Variants in DMD observed in about 807,000 individuals in gnomAD.
DMD encodes dystrophin.
DMD carries 63 observed loss-of-function variants against 330.1 expected under a neutral mutation model. The observed-to-expected ratio is 0.19, with a 90% CI of 0.16 to 0.24. The LOEUF is 0.24. Ranked by LOEUF, DMD falls within the 10% of genes least tolerant of loss-of-function variation. The pLI, the probability that DMD is intolerant of heterozygous loss-of-function variation, is 1.00. For missense variants in DMD, 3,344 were observed against 2,684.1 expected (o/e 1.25, Z -5.43); for synonymous variants, 1,223 against 959.8 (o/e 1.27, Z -5.07).
intron 62 of DMD, among the ~76,000 whole-genome samples, chrX:31,318,736 C>G (rs2056220132): frequency 8.9e-6 from 1 of 112,102 alleles, no homozygotes; most frequent in Admixed American, 9.4e-5. Context: ...TTAGCAAGTT[C>G]CCAAGAACCC....
At chrX:32,136,502 G>A (rs983901387) in intron 44 of DMD, among the ~76,000 whole-genome samples, 1 of 111,732 alleles carries the variant, frequency 8.9e-6, no homozygotes. Flanking sequence ...CAAATAGCCA[G>A]GTAGCAAATC....
chrX:31,831,008 G>T (rs891336885), intron 49 of DMD, among the ~76,000 whole-genome samples: 1 of 112,351 alleles, frequency 8.9e-6, no homozygotes, highest in Admixed American at 9.4e-5. Context: ...ATCTAATCCA[G>T]AAATGGCTTC....
chrX:32,979,547 A>AAAGC (rs1321128269), intron 2 of DMD, among the ~76,000 whole-genome samples: 2 of 111,543 alleles, frequency 1.8e-5, no homozygotes, highest in Non-Finnish European at 1.9e-5. Flanking sequence ...AGAAAACAAG[A>AAAGC]AAGCAAGCAA....
chrX:31,954,423 G>T (rs1198179675), intron 45 of DMD, among the ~76,000 whole-genome samples: 1 of 111,160 alleles, frequency 9.0e-6, no homozygotes, highest in Non-Finnish European at 1.9e-5. Flanking sequence ...CCTTGCTTTT[G>T]TAGATACTTT....
At chrX:31,871,576 G>A (rs188159295) in intron 48 of DMD, among the ~76,000 whole-genome samples, 34 of 111,124 alleles carry the variant, frequency 3.1e-4, no homozygotes, top group Non-Finnish European at 1.5e-4. Context: ...CTTTGTTTCC[G>A]AGGCAGCTAT....
At chrX:32,555,598 C>T (rs1469065052) in intron 16 of DMD, among the ~76,000 whole-genome samples, 1 of 111,655 alleles carries the variant, frequency 9.0e-6, no homozygotes, top group African/African-American at 3.3e-5. Context: ...GTTACAGTCA[C>T]CAGAAAAGCA....
At chrX:31,779,177 A>G in intron 50 of DMD, among the ~76,000 whole-genome samples, 1 of 111,970 alleles carries the variant, frequency 8.9e-6, no homozygotes. Context: ...GCCTGAATCC[A>G]TAATCTAGAA....
intron 22 of DMD, among the ~76,000 whole-genome samples, chrX:32,468,916 C>T (rs761423286): frequency 9.0e-6 from 1 of 110,844 alleles, no homozygotes; most frequent in South Asian, 3.8e-4. Context: ...TGGTATTTAA[C>T]ACTCCATATG....
chrX:32,222,244 A>C (rs1320000068), intron 43 of DMD, among the ~76,000 whole-genome samples: 1 of 111,579 alleles, frequency 9.0e-6, no homozygotes, highest in African/African-American at 3.3e-5. Flanking sequence ...TTCACAACAA[A>C]ATCTATTCAA....
intron 4 of DMD, among the ~76,000 whole-genome samples, chrX:32,827,253 T>G (rs2078793226): frequency 9.0e-6 from 1 of 110,718 alleles, no homozygotes; most frequent in Admixed American, 9.7e-5. Context: ...ATAAGATATA[T>G]TCATGTACTC....
chrX:32,840,496 G>C (rs1272937558), intron 4 of DMD, among the ~76,000 whole-genome samples: 1 of 111,135 alleles, frequency 9.0e-6, no homozygotes, highest in Non-Finnish European at 1.9e-5. Context: ...TGTACAACTT[G>C]ATGCGTTTTC....
intron 62 of DMD, among the ~76,000 whole-genome samples, chrX:31,269,605 T>C (rs1032507619): frequency 5.4e-5 from 6 of 112,017 alleles, no homozygotes; most frequent in African/African-American, 1.9e-4. Context: ...GTCTGTGTTT[T>C]TTCTAGTATA....
intron 60 of DMD, among the ~76,000 whole-genome samples, chrX:31,371,944 G>C (rs1043658388): frequency 8.9e-6 from 1 of 111,999 alleles, no homozygotes; most frequent in Non-Finnish European, 1.9e-5. Context: ...TTCTGCTTTT[G>C]TATCTAAAAA....
At chrX:31,245,173 T>C (rs1384237891) in intron 63 of DMD, among the ~76,000 whole-genome samples, 2 of 112,035 alleles carry the variant, frequency 1.8e-5, no homozygotes, top group African/African-American at 6.5e-5. Flanking sequence ...GATAACAAAT[T>C]GCCAATAAAA....
intron 1 of DMD, among the ~76,000 whole-genome samples, chrX:33,069,463 C>A (rs1307700555): frequency 1.9e-5 from 2 of 105,789 alleles, no homozygotes; most frequent in Non-Finnish European, 3.8e-5. Context: ...AATTTTTCAA[C>A]CAGAATTCAT....
intron 22 of DMD, among the ~76,000 whole-genome samples, chrX:32,470,199 G>A (rs2040476643): frequency 9.2e-6 from 1 of 109,018 alleles, no homozygotes; most frequent in Non-Finnish European, 1.9e-5. Context: ...TCTCTTTTTG[G>A]AGGATACCTT....
Position 32,413,588 on chromosome X carries a change from A to G in DMD, c.4072-1675T>C, listed in dbSNP as rs74569566. On this transcript the variant is annotated intron_variant, in intron 29 of 78. Transcript: ENST00000357033. ...ATATGCTATCAGTTTCTTCACTGGC[A>G]TTTTACTCTGCCACATCCCACCTGT... 1.0e-4 allele frequency among the ~76,000 whole-genome samples: 11 copies of G among 110,017 alleles called. No homozygotes were observed. The East Asian group carries it at 3.1e-3, about 31-fold the overall frequency.
chrX:32,147,608 T>C (rs1048852122), intron 44 of DMD, among the ~76,000 whole-genome samples: 2 of 111,240 alleles, frequency 1.8e-5, no homozygotes, highest in African/African-American at 3.3e-5. Context: ...GTACGGTACA[T>C]TGTGATGTTA....
intron 44 of DMD, among the ~76,000 whole-genome samples, chrX:32,170,540 C>G (rs895676194): frequency 2.8e-5 from 3 of 108,465 alleles, no homozygotes; most frequent in Non-Finnish European, 5.7e-5. Flanking sequence ...TTTACCTAAA[C>G]GTAGTAGTGG....
Sources: gnomAD v4.1 joint callset for allele counts (sites outside exome capture counted in the v4.1 genomes callset) on GRCh38, gnomAD v4.1.1 for gene constraint, MANE v1.5 for transcripts, NCBI Gene and HGNC (gene_info 2026-07-23, HGNC 2026-07-21) for gene names.